Variants in SCARA3 observed in about 807,000 individuals in gnomAD.
SCARA3 encodes the protein scavenger receptor class A member 3, also known as cellular stress response gene protein.
A neutral mutation model predicts 47.0 loss-of-function variants in SCARA3; 39 were observed. The ratio of observed to expected loss-of-function variants is 0.83; its 90% CI spans 0.64 to 1.08. The LOEUF (loss-of-function observed/expected upper bound fraction) is 1.08, where lower values mean the gene tolerates loss of function less well. Ranked by LOEUF, SCARA3 falls within the 50% of genes least tolerant of loss-of-function variation. The pLI is 0.00. For missense variants in SCARA3, 724 were observed against 792.3 expected, an observed-to-expected ratio of 0.91 and a Z score of 1.04; for synonymous variants, 356 against 334.1, an observed-to-expected ratio of 1.07 and a Z score of -0.71.
chr8:27,661,601 A>G (rs1051370049), intron 5 of SCARA3, among the ~76,000 whole-genome samples: 5 of 152,216 alleles, frequency 3.3e-5, no homozygotes, highest in African/African-American at 9.6e-5. Context: ...GGAGAAATAC[A>G]GTAAAATATA....
chr8:27,703,722 G>A, the SCARA3 span: 5 of 152,080 alleles, frequency 3.3e-5, no homozygotes, highest in African/African-American at 1.2e-4. Context: ...GTTCTGGAGG[G>A]TTCATTCTTG....
chr8:27,668,232 G>T (rs1157496118), intron 5 of SCARA3, among the ~76,000 whole-genome samples: 2 of 152,210 alleles, frequency 1.3e-5, no homozygotes, highest in African/African-American at 4.8e-5. Flanking sequence ...TTTGCTGCTG[G>T]CACAGAATCC....
intron 3 of SCARA3, among the ~76,000 whole-genome samples, chr8:27,652,344 A>T (rs1801650765): frequency 6.6e-6 from 1 of 152,188 alleles, no homozygotes; most frequent in Non-Finnish European, 1.5e-5. Context: ...AACAAATTTG[A>T]TGTTTGTAAT....
the SCARA3 span, among the ~76,000 whole-genome samples, chr8:27,710,641 G>C: frequency 6.6e-6 from 1 of 151,878 alleles, no homozygotes; most frequent in Non-Finnish European, 1.5e-5. Flanking sequence ...CAAATTTCCA[G>C]TGAGTGTTCA....
At chr8:27,680,591 T>C (rs1229075762), downstream of SCARA3, among the ~76,000 whole-genome samples, 1 of 152,180 alleles carries the variant, frequency 6.6e-6, no homozygotes, top group Non-Finnish European at 1.5e-5. Context: ...GTCCAGTTGG[T>C]TTTATTACTG....
intron 1 of SCARA3, among the ~76,000 whole-genome samples, chr8:27,646,475 G>A (rs1010017377): frequency 5.9e-5 from 9 of 152,218 alleles, no homozygotes; most frequent in African/African-American, 1.9e-4. Flanking sequence ...ACAGTGAAGT[G>A]ATGAAATGGG....
chr8:27,733,911 A>C, the SCARA3 span: 1 of 152,186 alleles, frequency 6.6e-6, no homozygotes, highest in African/African-American at 2.4e-5. Flanking sequence ...GCTGCAGCTG[A>C]AACTCTCCCC....
the SCARA3 span, among the ~76,000 whole-genome samples, chr8:27,711,171 C>G: frequency 2.0e-5 from 3 of 152,246 alleles, no homozygotes; most frequent in South Asian, 6.2e-4. Context: ...ATCTGCCCAC[C>G]GCAGCCTCCC....
At position 27,672,938 on chromosome 8, in the gene SCARA3, C is replaced by A. The variant is rs34273829; in HGVS notation, c.*1587C>A. 3 of 985,290 alleles carry A rather than the reference C, an allele frequency of 3.0e-6. No homozygotes were observed. The highest frequency in any genetic ancestry group is 2.4e-6 in the Non-Finnish European group (2 of 829,932). The allele number at this position is 985,290 out of a possible 1,614,324, so 61.0% of individuals were successfully genotyped here. A position where few individuals can be genotyped will look rare whatever the true frequency, so the allele number is the denominator to read the frequency against. ...CAACTGGTTTGCACTGCACACCCCA[C>A]GGCCATGTAACTCTCCTGTCCACAT... On this transcript the variant is annotated 3_prime_UTR_variant, in exon 6 of 6. Transcript: ENST00000301904.
chr8:27,660,830 A>ATAGCTAGCTAGCTAGC (rs141475748), intron 5 of SCARA3, among the ~76,000 whole-genome samples: 2 of 131,240 alleles, frequency 1.5e-5, no homozygotes, highest in African/African-American at 5.4e-5. Context: ...TAGATAGAAG[A>ATAGCTAGCTAGCTAGC]TAGCTAGCTA....
the SCARA3 span, among the ~76,000 whole-genome samples, chr8:27,692,673 T>C: frequency 4.0e-5 from 6 of 151,884 alleles, no homozygotes; most frequent in Non-Finnish European, 2.9e-5. Flanking sequence ...TTAAGCCTGA[T>C]TAAAAAAAAT....
At chr8:27,674,326 G>T (rs1802229513), downstream of SCARA3, among the ~76,000 whole-genome samples, 1 of 152,232 alleles carries the variant, frequency 6.6e-6, no homozygotes, top group Admixed American at 6.5e-5. Context: ...TTCCATGATG[G>T]AGGTGCCTCG....
chr8:27,639,390 C>A (rs1321853775), intron 1 of SCARA3, among the ~76,000 whole-genome samples: 1 of 152,096 alleles, frequency 6.6e-6, no homozygotes, highest in African/African-American at 2.4e-5. Flanking sequence ...GGGAGCATTT[C>A]AAGTTGGGCA....
At chr8:27,676,057 CA>C (rs1802272989), downstream of SCARA3, among the ~76,000 whole-genome samples, 1 of 152,182 alleles carries the variant, frequency 6.6e-6, no homozygotes, top group Admixed American at 6.5e-5. Flanking sequence ...AGTGTGTTTG[CA>C]TTTTATAGAT....
the SCARA3 span, among the ~76,000 whole-genome samples, chr8:27,705,595 A>G: frequency 0.92 from 139,965 of 152,262 alleles, 65,541 homozygotes; most frequent in East Asian, 1. Flanking sequence ...TGCACCTGAC[A>G]TGGGGCTCCA....
chr8:27,689,357 T>G, the SCARA3 span, among the ~76,000 whole-genome samples: 1 of 151,342 alleles, frequency 6.6e-6, no homozygotes, highest in Admixed American at 6.6e-5. Flanking sequence ...AGGCTGGGGG[T>G]GGAAGTTCAC....
At chr8:27,635,282 C>T (rs1345194048) in intron 1 of SCARA3, among the ~76,000 whole-genome samples, 3 of 152,048 alleles carry the variant, frequency 2.0e-5, no homozygotes, top group Admixed American at 6.5e-5. Flanking sequence ...AGGGCTCCAC[C>T]GACAAACTTC....
the SCARA3 span, among the ~76,000 whole-genome samples, chr8:27,731,741 T>C: frequency 6.6e-6 from 1 of 151,724 alleles, no homozygotes; most frequent in African/African-American, 2.4e-5. Context: ...CTAAAAGCAA[T>C]TCCAGTTTTG....
At chr8:27,641,388 G>A (rs900844459) in intron 1 of SCARA3, among the ~76,000 whole-genome samples, 2 of 152,224 alleles carry the variant, frequency 1.3e-5, no homozygotes, top group African/African-American at 2.4e-5. Context: ...AGAAAAGGAG[G>A]GGGTGAGCTC....
Sources: allele counts gnomAD v4.1 joint callset (sites outside exome capture counted in the v4.1 genomes callset), GRCh38; gene constraint gnomAD v4.1.1; transcripts MANE v1.5; gene names NCBI Gene and HGNC (gene_info 2026-07-23, HGNC 2026-07-21).